ACLY: variants seen among roughly 807,000 people sequenced by gnomAD.
ACLY encodes ATP-citrate synthase.
In ACLY, 41 loss-of-function variants were observed where a neutral mutation model predicts 133.0. That is an observed-to-expected ratio of 0.31 (90% CI 0.24 to 0.40). The LOEUF (loss-of-function observed/expected upper bound fraction) is 0.40, where lower values mean the gene tolerates loss of function less well. Among genes scored for constraint, ACLY ranks in the 10% least tolerant of loss-of-function variants. ACLY has a pLI of 1.00. For missense variants in ACLY, 1,046 were observed against 1,453.8 expected, an observed-to-expected ratio of 0.72 and a Z score of 4.56; for synonymous variants, 495 against 549.3, an observed-to-expected ratio of 0.90 and a Z score of 1.38.
chr17:41,869,135 C>CA lies in ACLY; in HGVS notation c.3052-11dup, dbSNP rs782008294. ...GGATAAGATTTGGCTTCTGGGAAGG[C>CA]AAAAAAATTCAAAGCATTTATCATT... is the stretch of plus-strand genomic sequence containing the variant. On this transcript the variant is annotated splice_polypyrimidine_tract_variant and intron_variant, in intron 26 of 28. Coordinates refer to ENST00000352035, the MANE Select transcript of ACLY (RefSeq NM_001096.3). 10 of 1,596,082 alleles carry CA rather than the reference C, an allele frequency of 6.3e-6. No individual in the cohort carries two copies. In the African/African-American group the frequency reaches 1.1e-4, roughly 17 times the overall value.
chr17:41,887,130 A>G (rs1244645085), intron 17 of ACLY, among the ~76,000 whole-genome samples: 15 of 16,662 alleles, frequency 9.0e-4, no homozygotes, highest in African/African-American at 1.6e-3. Flanking sequence ...TCTCAAAGAA[A>G]AAAAAAAAAA....
chr17:41,885,876 A>G (rs1555628057), intron 18 of ACLY, among the ~76,000 whole-genome samples: 1 of 152,092 alleles, frequency 6.6e-6, no homozygotes, highest in African/African-American at 2.4e-5. Flanking sequence ...CAACAAACAG[A>G]ATTATCCCCA....
intron 14 of ACLY, among the ~76,000 whole-genome samples, chr17:41,894,040 G>A (rs1314464056): frequency 2.0e-5 from 3 of 151,844 alleles, no homozygotes; most frequent in Non-Finnish European, 4.4e-5. Flanking sequence ...GCGGTGAAAC[G>A]CTGTCTCTAA....
At chr17:41,871,661 C>A (rs1265894404) in intron 25 of ACLY, 28 bp downstream of exon 25, 1 of 1,613,362 alleles carries the variant, frequency 6.2e-7, no homozygotes, top group Non-Finnish European at 8.5e-7. Context: ...GGCCTCCATC[C>A]CACTTTTTTA....
In ACLY at chr17:41,897,831, G is replaced by T; in HGVS notation, c.1347C>A (p.Ala449=). 1 of 1,613,542 alleles carries T rather than the reference G, an allele frequency of 6.2e-7. No individual in the cohort carries two copies. Among genetic ancestry groups the T allele is most frequent in the Non-Finnish European group, 8.5e-7 (1 of 1,179,778 alleles). ...CAGAAAAAGATGCTGTCCTGCTGGG[G>T]GCTGGCGTCTGGGGTGAGATAAGGA... ...LNASGSTSTP[A]PSRTASFSES... The change falls in exon 13 of 29, where the codon GCC becomes GCA. Residue 449 remains alanine (A), a synonymous_variant. Transcript: ENST00000352035.
chr17:41,874,822 C>G (rs188062777), intron 22 of ACLY, among the ~76,000 whole-genome samples: 2 of 151,406 alleles, frequency 1.3e-5, no homozygotes, highest in Admixed American at 1.3e-4. Flanking sequence ...ATCCGCCTGC[C>G]TCGGCCTCCC....
intron 20 of ACLY, among the ~76,000 whole-genome samples, chr17:41,880,252 T>C (rs1312523866): frequency 1.3e-5 from 2 of 152,198 alleles, no homozygotes; most frequent in Admixed American, 6.5e-5. Context: ...TAAAGTGATT[T>C]ATCCCAGGTC....
intron 28 of ACLY, 28 bp from the exon 29 acceptor site, chr17:41,867,932 A>G: frequency 6.6e-7 from 1 of 1,526,236 alleles, no homozygotes; most frequent in Non-Finnish European, 9.0e-7. Flanking sequence ...CATCTTTTTT[A>G]TTAGAGCTTC....
At chr17:41,888,955 C>T (rs1373508769) in intron 16 of ACLY, among the ~76,000 whole-genome samples, 3 of 151,808 alleles carry the variant, frequency 2.0e-5, no homozygotes, top group Non-Finnish European at 4.4e-5. Flanking sequence ...CCCATCTCTC[C>T]TAAAAATACA....
At chr17:41,910,060 T>C (rs1004015880) in intron 4 of ACLY, among the ~76,000 whole-genome samples, 162 bp downstream of exon 4, 35 of 152,144 alleles carry the variant, frequency 2.3e-4, no homozygotes, top group Middle Eastern at 3.2e-3. Flanking sequence ...CCTTCCCCTC[T>C]GGACTCCCGA....
At chr17:41,890,058 CGAGATTGCCCATCACAAGATTT>C (rs2049163377) in intron 16 of ACLY, among the ~76,000 whole-genome samples, 1 of 152,060 alleles carries the variant, frequency 6.6e-6, no homozygotes, top group East Asian at 1.9e-4. Flanking sequence ...AATGTTAATC[CGAGATTGCCCATCACAAGATTT>C]GCAAAAGCAA....
At chr17:41,875,632 C>T (rs1555625964) in intron 22 of ACLY, among the ~76,000 whole-genome samples, 2 of 152,190 alleles carry the variant, frequency 1.3e-5, no homozygotes, top group African/African-American at 2.4e-5. Flanking sequence ...TTGGTGGAGA[C>T]GGGGTTTCGC....
At chr17:41,882,485 A>G (rs1269046948) in intron 20 of ACLY, among the ~76,000 whole-genome samples, 4 of 147,852 alleles carry the variant, frequency 2.7e-5, no homozygotes, top group African/African-American at 9.9e-5. Context: ...TTTCATCATC[A>G]TCACGTGAGC....
chr17:41,875,257 G>A (rs2048703569), intron 22 of ACLY, among the ~76,000 whole-genome samples: 1 of 151,238 alleles, frequency 6.6e-6, no homozygotes, highest in Non-Finnish European at 1.5e-5. Context: ...GGCTAAGGCA[G>A]GAGAATCGCT....
chr17:41,907,600 G>C (rs1567909838), intron 6 of ACLY, 28 bp from the exon 7 acceptor site: 1 of 1,609,516 alleles, frequency 6.2e-7, no homozygotes, highest in Non-Finnish European at 8.5e-7. Flanking sequence ...GCAATCATCA[G>C]ACACCGGCTC....
Position 41,867,600 on chromosome 17 carries a change from CTATGCTTATAAAAAAAA to C in ACLY, c.*193_*209del. The C allele has an allele frequency of 5.3e-6, 2 of 378,388 alleles. No individual in the cohort carries two copies. The highest frequency in any genetic ancestry group is 9.5e-6 in the Non-Finnish European group (2 of 211,172). 23.4% of individuals were successfully genotyped at this position (378,388 alleles called of 1,614,324 possible). On this transcript the variant is annotated 3_prime_UTR_variant, in exon 29 of 29. Coordinates refer to ENST00000352035, the MANE Select transcript of ACLY (RefSeq NM_001096.3). ...ACAAATATTGGCTTGGTTTTTATTTCTATGCTTATAAAAAAAATATGAAGCTTCTTTGTGTGGACTGA... is the reference window on the plus strand; with the variant it reads ...ACAAATATTGGCTTGGTTTTTATTTCTATGAAGCTTCTTTGTGTGGACTGA...
intron 11 of ACLY, among the ~76,000 whole-genome samples, chr17:41,899,490 G>C (rs924759933): frequency 3.9e-5 from 6 of 152,080 alleles, no homozygotes; most frequent in Admixed American, 3.9e-4. Flanking sequence ...CCTCTGCGTG[G>C]AGCTCTCCAT....
chr17:41,873,924 G>T lies in ACLY; in HGVS notation c.2529C>A (p.Ser843Arg), dbSNP rs2048663833. Residue 843 changes from serine (S) to arginine (R), a missense_variant, in exon 23 of 29, where the codon AGC becomes AGA. Coordinates refer to ENST00000352035, the MANE Select transcript of ACLY (RefSeq NM_001096.3). The part of the protein sequence containing the change: ...LIRKPASFMT[S>R]ICDERGQELI... ...GCTCCTGTCCTCGCTCATCGCAGATGCTGGTCATGAACGAGGCAGGTTTGC... is the reference window on the plus strand; with the variant it reads ...GCTCCTGTCCTCGCTCATCGCAGATTCTGGTCATGAACGAGGCAGGTTTGC... The T allele has an allele frequency of 6.2e-7, 1 of 1,609,450 alleles. No individual in the cohort carries two copies.
intron 17 of ACLY, among the ~76,000 whole-genome samples, 190 bp downstream of exon 17, chr17:41,887,409 G>A (rs1555628397): frequency 1.3e-5 from 2 of 152,138 alleles, no homozygotes; most frequent in Admixed American, 6.6e-5. Context: ...TTGCACTCCA[G>A]CCTAGGCATT....
Sources: gnomAD v4.1 joint callset for allele counts (sites outside exome capture counted in the v4.1 genomes callset) on GRCh38, gnomAD v4.1.1 for gene constraint, MANE v1.5 for transcripts, NCBI Gene and HGNC (gene_info 2026-07-23, HGNC 2026-07-21) for gene names.